The following CECR2 variants were observed in gnomAD, a reference collection of about 807,000 sequenced individuals.
The protein encoded by CECR2 is chromatin remodeling regulator CECR2.
In CECR2, 30 loss-of-function variants were observed where a neutral mutation model predicts 154.5. The ratio of observed to expected loss-of-function variants is 0.19; its 90% CI spans 0.15 to 0.26. The LOEUF (loss-of-function observed/expected upper bound fraction) is 0.26. Among genes scored for constraint, CECR2 ranks in the 10% least tolerant of loss-of-function variants. The pLI is 1.00. For synonymous variants in CECR2, 725 were observed against 683.7 expected (o/e 1.06, Z -0.94); for missense variants, 1,743 against 1,829.3 (o/e 0.95, Z 0.86).
rs575665192 is a variant in CECR2, at chr22:17,541,763, C to G, written c.1885-76C>G. 4.0e-6 allele frequency: 6 copies of G among 1,504,896 alleles called. No homozygotes were observed. The African/African-American group carries it at 8.4e-5, about 21-fold the overall frequency. The allele number at this position is 1,504,896 out of a possible 1,614,324, so 93.2% of individuals were successfully genotyped here. A position where few individuals can be genotyped will look rare whatever the true frequency, so the allele number is the denominator to read the frequency against. ...TTTATTTTAGTAGAACGTTCATCTT[C>G]AGGAAAACCCTTGTTGTCAACCTAA... On this transcript the variant is annotated intron_variant, in intron 14 of 18. Transcript: ENST00000262608.
intron 1 of CECR2, among the ~76,000 whole-genome samples, chr22:17,438,566 C>A (rs991795598): frequency 6.6e-6 from 1 of 152,132 alleles, no homozygotes; most frequent in Non-Finnish European, 1.5e-5. Context: ...CAGCCCAGGA[C>A]GGCTTTGAAT....
intron 2 of CECR2, among the ~76,000 whole-genome samples, chr22:17,491,663 G>T (rs995543357): frequency 3.4e-5 from 5 of 146,886 alleles, no homozygotes; most frequent in African/African-American, 7.5e-5. Context: ...AATTTTTATT[G>T]TACCTCTTCA....
rs1395477580 is a variant in CECR2 at position 17,369,712 on chromosome 22, C to G, written c.-72C>G. The G allele has an allele frequency of 6.7e-6, 1 of 148,958 alleles. No homozygotes were observed. The highest frequency in any genetic ancestry group is 1.5e-5 in the Non-Finnish European group (1 of 66,992). The allele number at this position is 148,958 out of a possible 1,614,324, so 9.2% of individuals were successfully genotyped here. On this transcript the variant is annotated 5_prime_UTR_variant, in exon 1 of 19. Transcript: ENST00000262608. ...GACCGCGCGGAGGCTGCGGCGCTGC[C>G]GCGGCGGGAGTCCCAGGTCGGCGGG...
chr22:17,551,489 A>T (rs1326550285), intron 17 of CECR2, among the ~76,000 whole-genome samples: 2 of 152,122 alleles, frequency 1.3e-5, no homozygotes, highest in African/African-American at 4.8e-5. Flanking sequence ...CAGATTCCAG[A>T]TTCATCACAC....
At chr22:17,457,298 A>G (rs901651114) in intron 1 of CECR2, among the ~76,000 whole-genome samples, 5 of 152,218 alleles carry the variant, frequency 3.3e-5, no homozygotes, top group Non-Finnish European at 5.9e-5. Flanking sequence ...AAGTACTGGG[A>G]TTACAGGCGT....
At chr22:17,519,095 A>T (rs77028968) in intron 8 of CECR2, 3,346 of 156,510 alleles carry the variant, frequency 0.021, 119 homozygotes, top group African/African-American at 0.077. Context: ...AGCCTTTGTC[A>T]GTTCTTCGTG....
chr22:17,500,767 C>A, intron 5 of CECR2, 32 bp downstream of exon 5: 2 of 1,424,826 alleles, frequency 1.4e-6, no homozygotes, highest in Non-Finnish European at 1.9e-6. Flanking sequence ...TGGTCATAGA[C>A]CATGGCAGAA....
chr22:17,543,046 A>C, intron 16 of CECR2, 43 bp downstream of exon 16: 1 of 1,540,748 alleles, frequency 6.5e-7, no homozygotes, highest in Non-Finnish European at 8.8e-7. Flanking sequence ...CTCTTGTTTC[A>C]TGAGTAATCT....
Position 17,516,008 on chromosome 22 carries a change from G to A in CECR2, c.954+4112G>A, listed in dbSNP as rs174296. 3.6e-4 allele frequency among the ~76,000 whole-genome samples: 55 copies of A among 152,192 alleles called. No homozygotes were observed. The East Asian group carries it at 4.1e-3, about 11-fold the overall frequency. ...CCTTAAATTAGTTACTTTGGGGGGC[G>A]TAAGTCAAATGGTTTAAACTGTGAG... is the stretch of plus-strand genomic sequence containing the variant. On this transcript the variant is annotated intron_variant, in intron 8 of 18. Coordinates refer to ENST00000262608, the MANE Select transcript of CECR2 (RefSeq NM_001290047.2).
At chr22:17,530,832 G>C (rs1470941348) in intron 9 of CECR2, among the ~76,000 whole-genome samples, 1 of 152,174 alleles carries the variant, frequency 6.6e-6, no homozygotes, top group Non-Finnish European at 1.5e-5. Flanking sequence ...GCTACAACAT[G>C]GATGAACCTT....
At chr22:17,366,842 AC>A (rs1450049545), upstream of CECR2, among the ~76,000 whole-genome samples, 4 of 152,296 alleles carry the variant, frequency 2.6e-5, no homozygotes, top group East Asian at 7.7e-4. Flanking sequence ...ATTCCAAGAC[AC>A]TTGAGACCCC....
intron 8 of CECR2, among the ~76,000 whole-genome samples, chr22:17,517,175 C>A (rs1280898733): frequency 1.3e-5 from 2 of 152,238 alleles, no homozygotes; most frequent in Non-Finnish European, 1.5e-5. Flanking sequence ...CCGCGCCTGG[C>A]CAAGATCTGG....
chr22:17,431,445 T>C (rs746836515), intron 1 of CECR2, among the ~76,000 whole-genome samples: 1 of 152,176 alleles, frequency 6.6e-6, no homozygotes, highest in African/African-American at 2.4e-5. Flanking sequence ...CTCAGTAAAT[T>C]TATGGTCTAG....
chr22:17,387,207 T>C (rs1363106298), intron 1 of CECR2, among the ~76,000 whole-genome samples: 1 of 152,200 alleles, frequency 6.6e-6, no homozygotes, highest in East Asian at 1.9e-4. Flanking sequence ...CCTTCTTTTG[T>C]CTCATTTCTC....
rs2147032140 is a variant in CECR2, at chr22:17,542,567, G to C, written c.2424G>C (p.Val808=). ...PSHQPRTLGH[V]MDSRVMRPPV... is the part of the protein sequence containing the mutation. ...ACCAGCCTCGCACTCTCGGTCACGT[G>C]ATGGATTCCCGAGTCATGAGACCAC... Residue 808 remains valine, a synonymous_variant, in exon 16 of 19, where the codon GTG becomes GTC. Transcript: ENST00000262608. 1.2e-6 allele frequency: 2 copies of C among 1,613,994 alleles called. No individual in the cohort carries two copies. Among genetic ancestry groups the C allele is most frequent in the African/African-American group, 2.7e-5 (2 of 75,050 alleles).
chr22:17,398,994 ATG>A (rs1014395239), intron 1 of CECR2, among the ~76,000 whole-genome samples: 5 of 152,162 alleles, frequency 3.3e-5, no homozygotes, highest in Non-Finnish European at 7.3e-5. Flanking sequence ...CCTCCTGGGA[ATG>A]TGTTAGAAAT....
chr22:17,458,488 G>A (rs2054888251), intron 1 of CECR2, among the ~76,000 whole-genome samples: 1 of 150,390 alleles, frequency 6.6e-6, no homozygotes, highest in Non-Finnish European at 1.5e-5. Context: ...TTTTAATACG[G>A]TGGGTAAAAT....
intron 2 of CECR2, among the ~76,000 whole-genome samples, chr22:17,483,966 C>T (rs1389235186): frequency 6.6e-6 from 1 of 152,138 alleles, no homozygotes; most frequent in Non-Finnish European, 1.5e-5. Context: ...GTGTCTGGAT[C>T]CACAAATCCT....
At chr22:17,513,177 C>T (rs2055990385) in intron 8 of CECR2, among the ~76,000 whole-genome samples, 1 of 152,094 alleles carries the variant, frequency 6.6e-6, no homozygotes, top group Non-Finnish European at 1.5e-5. Flanking sequence ...ATAGCAAGAC[C>T]CCACCTCTGA....
Sources: allele counts gnomAD v4.1 joint callset (sites outside exome capture counted in the v4.1 genomes callset), GRCh38; gene constraint gnomAD v4.1.1; transcripts MANE v1.5; gene names NCBI Gene and HGNC (gene_info 2026-07-23, HGNC 2026-07-21).